The following PTPRD variants were observed in gnomAD, a reference collection of about 807,000 sequenced individuals.
The protein encoded by PTPRD is protein tyrosine phosphatase receptor type D.
PTPRD carries 34 observed loss-of-function variants against 214.5 expected under a neutral mutation model. That is an observed-to-expected ratio of 0.16 (90% CI 0.12 to 0.21). The LOEUF (loss-of-function observed/expected upper bound fraction) is 0.21. Ranked by LOEUF, PTPRD falls within the 10% of genes least tolerant of loss-of-function variation. PTPRD has a pLI of 1.00. For missense variants in PTPRD, 2,545 were observed against 2,398.7 expected (o/e 1.06, Z -1.27); for synonymous variants, 1,128 against 845.7 (o/e 1.33, Z -5.79).
intron 5 of PTPRD, among the ~76,000 whole-genome samples, chr9:9,785,419 G>A (rs773556576): frequency 7.9e-5 from 12 of 152,126 alleles, no homozygotes; most frequent in Middle Eastern, 3.4e-3. Flanking sequence ...TCATTATCAT[G>A]TACCTTGATA....
intron 2 of PTPRD, among the ~76,000 whole-genome samples, chr9:10,443,541 T>A (rs973268375): frequency 6.6e-6 from 1 of 151,732 alleles, no homozygotes; most frequent in African/African-American, 2.4e-5. Context: ...TGAAATTCTC[T>A]TTCAAATACA....
In PTPRD at chr9:8,527,418, G is replaced by A. The variant is rs935328946; in HGVS notation, c.542-65C>T. 2.7e-6 allele frequency: 4 copies of A among 1,496,112 alleles called. 1 individual carries two copies. The highest frequency in any genetic ancestry group is 3.7e-6 in the Non-Finnish European group (4 of 1,087,578). The allele number at this position is 1,496,112 out of a possible 1,614,324, so 92.7% of individuals were successfully genotyped here. A position where few individuals can be genotyped will look rare whatever the true frequency, so the allele number is the denominator to read the frequency against. On this transcript the variant is annotated intron_variant, in intron 15 of 45. Coordinates refer to ENST00000381196, the MANE Select transcript of PTPRD (RefSeq NM_002839.4). ...AATATTATTATATTCCTTATAATTTGGTACAAATTTTTCAGAGTTAAAGCT... is the reference window on the plus strand; with the variant it reads ...AATATTATTATATTCCTTATAATTTAGTACAAATTTTTCAGAGTTAAAGCT...
chr9:8,716,675 G>A (rs918045414), intron 12 of PTPRD, among the ~76,000 whole-genome samples: 1 of 141,536 alleles, frequency 7.1e-6, no homozygotes, highest in African/African-American at 3.2e-5. Context: ...GCTGCACTAG[G>A]AAAATCAAAG....
chr9:9,746,389 T>C (rs958795410), intron 6 of PTPRD, among the ~76,000 whole-genome samples: 1 of 152,100 alleles, frequency 6.6e-6, no homozygotes, highest in South Asian at 2.1e-4. Flanking sequence ...GGAGAAAACA[T>C]ATCTAAAAAT....
intron 30 of PTPRD, among the ~76,000 whole-genome samples, chr9:8,478,272 G>A (rs1020833953): frequency 2.6e-5 from 4 of 152,058 alleles, no homozygotes; most frequent in Admixed American, 6.6e-5. Context: ...ACAAACACAT[G>A]ATTAATTACT....
chr9:10,240,638 C>T (rs1041314435), intron 3 of PTPRD, among the ~76,000 whole-genome samples: 5 of 151,708 alleles, frequency 3.3e-5, no homozygotes, highest in African/African-American at 1.2e-4. Context: ...ACAATATGTA[C>T]AGAAGGATAA....
chr9:9,778,857 AT>A lies in PTPRD; in HGVS notation c.-367-12007del, dbSNP rs1383634502. 2.0e-5 allele frequency among the ~76,000 whole-genome samples: 3 copies of A among 152,016 alleles called. No individual in the cohort carries two copies. In the East Asian group the frequency reaches 5.8e-4, roughly 29 times the overall value. On this transcript the variant is annotated intron_variant, in intron 5 of 45. Transcript: ENST00000381196. ...TCATTGTTCACAAAATTAGAAAAAA[AT>A]TTCTAAAATTTATATGGAACCATAA... is the stretch of plus-strand genomic sequence containing the variant.
chr9:9,407,239 A>G (rs2073811177), intron 8 of PTPRD, among the ~76,000 whole-genome samples: 1 of 151,710 alleles, frequency 6.6e-6, no homozygotes, highest in Non-Finnish European at 1.5e-5. Flanking sequence ...CTGAGCATCG[A>G]CCATGATGAC....
chr9:10,379,691 A>G (rs2097785620), intron 2 of PTPRD, among the ~76,000 whole-genome samples: 1 of 152,042 alleles, frequency 6.6e-6, no homozygotes, highest in Non-Finnish European at 1.5e-5. Context: ...TATAAGTAAA[A>G]ATTTCTGCAT....
At chr9:8,835,605 C>T (rs1230948861) in intron 11 of PTPRD, among the ~76,000 whole-genome samples, 1 of 152,210 alleles carries the variant, frequency 6.6e-6, no homozygotes, top group African/African-American at 2.4e-5. Context: ...TCATGGTTCA[C>T]TGCAGCCTCA....
chr9:8,590,525 G>C (rs1030166743), intron 14 of PTPRD, among the ~76,000 whole-genome samples: 7 of 152,030 alleles, frequency 4.6e-5, no homozygotes, highest in Admixed American at 3.9e-4. Flanking sequence ...TCTTCCTAGA[G>C]ATTATATTTT....
intron 8 of PTPRD, among the ~76,000 whole-genome samples, chr9:9,477,724 T>G (rs1589421311): frequency 1.3e-5 from 2 of 152,214 alleles, no homozygotes; most frequent in South Asian, 4.1e-4. Context: ...GTTTGGTCAC[T>G]TATTACATTA....
chr9:9,405,127 C>G (rs534518032), intron 8 of PTPRD, among the ~76,000 whole-genome samples: 2 of 152,114 alleles, frequency 1.3e-5, no homozygotes, highest in East Asian at 3.9e-4. Context: ...CCTCCCAATT[C>G]CTTTCAAAAT....
In PTPRD at chr9:9,936,993, C is replaced by T. The variant is rs534613406; in HGVS notation, c.-368+1514G>A. ...CACAAGAACAAAAAACCAAACCCCA[C>T]ATATTCTCACTCATAGGTGGGAATT... is the stretch of plus-strand genomic sequence containing the variant. On this transcript the variant is annotated intron_variant, in intron 5 of 45. Coordinates refer to ENST00000381196, the MANE Select transcript of PTPRD (RefSeq NM_002839.4). Among the ~76,000 whole-genome samples, 15 of 151,796 alleles carry T rather than the reference C, an allele frequency of 9.9e-5. No homozygotes were observed. In the South Asian group the frequency reaches 2.9e-3, roughly 30 times the overall value.
intron 11 of PTPRD, among the ~76,000 whole-genome samples, chr9:8,772,038 T>C (rs930080009): frequency 3.9e-5 from 6 of 152,106 alleles, no homozygotes; most frequent in Admixed American, 2.0e-4. Context: ...TTATGCATTA[T>C]ATGCCTGTAA....
chr9:8,583,562 T>C (rs2093374160), intron 14 of PTPRD, among the ~76,000 whole-genome samples: 1 of 152,210 alleles, frequency 6.6e-6, no homozygotes, highest in South Asian at 2.1e-4. Flanking sequence ...ACCAGTTATG[T>C]AGATTATGAT....
At chr9:10,518,687 C>T (rs182705792) in intron 2 of PTPRD, among the ~76,000 whole-genome samples, 712 of 152,154 alleles carry the variant, frequency 4.7e-3, no homozygotes, top group African/African-American at 9.0e-3. Context: ...CGCCCGCCAC[C>T]ACACCCGGCT....
chr9:9,335,854 A>G (rs1216020981), intron 9 of PTPRD, among the ~76,000 whole-genome samples: 1 of 152,120 alleles, frequency 6.6e-6, no homozygotes, highest in African/African-American at 2.4e-5. Flanking sequence ...AACAAAAAAC[A>G]CAACTCAGCA....
chr9:8,364,733 G>C (rs548412890), intron 39 of PTPRD, among the ~76,000 whole-genome samples: 3 of 152,164 alleles, frequency 2.0e-5, no homozygotes, highest in Non-Finnish European at 4.4e-5. Context: ...CTTTGGCATC[G>C]CTCTACGATT....
Sources: gnomAD v4.1 joint callset for allele counts (sites outside exome capture counted in the v4.1 genomes callset) on GRCh38, gnomAD v4.1.1 for gene constraint, MANE v1.5 for transcripts, NCBI Gene and HGNC (gene_info 2026-07-23, HGNC 2026-07-21) for gene names.